GRIK4: variants seen among roughly 807,000 people sequenced by gnomAD.
GRIK4 encodes glutamate receptor ionotropic, kainate 4.
GRIK4 carries 40 observed loss-of-function variants against 104.9 expected under a neutral mutation model. The observed-to-expected ratio is 0.38, with a 90% CI of 0.30 to 0.50. The LOEUF (loss-of-function observed/expected upper bound fraction) is 0.50, where lower values mean the gene tolerates loss of function less well. GRIK4 is among the 20% of genes least tolerant of loss of function. The pLI is 0.93. For synonymous variants in GRIK4, 485 were observed against 524.9 expected (o/e 0.92, Z 1.04); for missense variants, 1,047 against 1,308.1 (o/e 0.80, Z 3.08).
intron 1 of GRIK4, among the ~76,000 whole-genome samples, chr11:120,515,558 C>G (rs958555891): frequency 1.3e-5 from 2 of 152,194 alleles, no homozygotes; most frequent in East Asian, 3.9e-4. Context: ...CCTGCTCCTA[C>G]CTGGTATTGG....
At position 120,802,800 on chromosome 11, in the gene GRIK4, G is replaced by A; in HGVS notation, c.190G>A (p.Val64Ile). The A allele has an allele frequency of 6.2e-7, 1 of 1,614,210 alleles. No homozygotes were observed. The highest frequency in any genetic ancestry group is 8.5e-7 in the Non-Finnish European group (1 of 1,180,020). Residue 64 changes from valine to isoleucine, a missense_variant, in exon 4 of 21, where the codon GTC becomes ATC. By Grantham distance (29) the Val-to-Ile change is conservative. Around this residue, in one of 3 missense-constraint regions of GRIK4, gnomAD observed 447 missense variants for 514.9 expected, o/e 0.87. Coordinates refer to ENST00000527524, the MANE Select transcript of GRIK4 (RefSeq NM_014619.5). ...RAPERLGKAK[V>I]EVDIFELLRD... The stretch of plus-strand genomic sequence containing the variant: ...TCCTGAGAGGCTGGGCAAGGCCAAG[G>A]TCGAAGTGGACATCTTTGAGCTTCT...
intron 8 of GRIK4, among the ~76,000 whole-genome samples, chr11:120,845,876 T>C (rs1953839733): frequency 6.6e-6 from 1 of 152,250 alleles, no homozygotes; most frequent in South Asian, 2.1e-4. Flanking sequence ...AAAAGAGTGA[T>C]GGAGTGAAAG....
chr11:120,724,966 CTT>C (rs1951002673), intron 3 of GRIK4, among the ~76,000 whole-genome samples: 1 of 151,970 alleles, frequency 6.6e-6, no homozygotes, highest in Non-Finnish European at 1.5e-5. Flanking sequence ...ACATCTGACT[CTT>C]TCATTATGTC....
At chr11:120,518,983 G>A (rs1947763621) in intron 1 of GRIK4, among the ~76,000 whole-genome samples, 1 of 152,262 alleles carries the variant, frequency 6.6e-6, no homozygotes, top group Non-Finnish European at 1.5e-5. Context: ...GAAAAGAGAT[G>A]CTTCAACAAA....
At chr11:120,712,165 C>T (rs1337212689) in intron 3 of GRIK4, among the ~76,000 whole-genome samples, 1 of 152,164 alleles carries the variant, frequency 6.6e-6, no homozygotes, top group Non-Finnish European at 1.5e-5. Context: ...GCTAAGGGAA[C>T]CTGGGGTGCA....
intron 1 of GRIK4, among the ~76,000 whole-genome samples, chr11:120,520,317 ATGAG>A (rs1947781705): frequency 6.6e-6 from 1 of 152,218 alleles, no homozygotes; most frequent in South Asian, 2.1e-4. Context: ...GGCGCGGAGA[ATGAG>A]TGGTGGCGCC....
intron 14 of GRIK4, among the ~76,000 whole-genome samples, chr11:120,946,922 T>C (rs892462439): frequency 5.3e-5 from 8 of 152,146 alleles, no homozygotes; most frequent in Admixed American, 3.3e-4. Flanking sequence ...CCAGAGAAGG[T>C]CCCAAGCCAG....
intron 1 of GRIK4, among the ~76,000 whole-genome samples, chr11:120,610,289 G>A (rs759868322): frequency 1.3e-5 from 2 of 152,240 alleles, no homozygotes; most frequent in South Asian, 2.1e-4. Flanking sequence ...TGCATTTAGC[G>A]TTTGGAAGTT....
chr11:120,723,292 A>G (rs1359029159), intron 3 of GRIK4, among the ~76,000 whole-genome samples: 1 of 152,198 alleles, frequency 6.6e-6, no homozygotes, highest in Middle Eastern at 3.2e-3. Flanking sequence ...ATTTCCACCC[A>G]CCACTCTTCC....
At chr11:120,873,938 T>C (rs1358655381) in intron 9 of GRIK4, 128 bp from the exon 10 acceptor site, 1 of 808,472 alleles carries the variant, frequency 1.2e-6, no homozygotes, top group Non-Finnish European at 2.0e-6. Context: ...GTGATGAAGA[T>C]GCACTCTTAT....
chr11:120,628,401 C>T (rs1396058313), intron 1 of GRIK4, among the ~76,000 whole-genome samples: 7 of 152,324 alleles, frequency 4.6e-5, no homozygotes, highest in South Asian at 2.1e-4. Context: ...TTTCCCTTAG[C>T]GGAAACAAGG....
rs541994496 is a variant in GRIK4, at chr11:120,825,775, A to G, written c.511+5855A>G. Among the ~76,000 whole-genome samples the G allele has an allele frequency of 3.0e-4, 46 of 152,340 alleles. No homozygotes were observed. In the South Asian group the frequency reaches 8.1e-3, roughly 27 times the overall value. On this transcript the variant is annotated intron_variant, in intron 6 of 20. Transcript: ENST00000527524. The stretch of plus-strand genomic sequence containing the variant: ...ATGTAACAAGACGATAATAATGTCT[A>G]TTGAGGTAATTGGATGGGAAAGTAA...
intron 13 of GRIK4, among the ~76,000 whole-genome samples, chr11:120,913,797 G>A (rs1417283798): frequency 6.6e-6 from 1 of 150,760 alleles, no homozygotes; most frequent in Admixed American, 6.6e-5. Context: ...GGCCTGGTGG[G>A]TCAGGCTGTT....
Position 120,940,498 on chromosome 11 carries a change from G to A in GRIK4, c.1590+38G>A, listed in dbSNP as rs1943698438. On this transcript the variant is annotated intron_variant, in intron 14 of 20. Transcript: ENST00000527524. The surrounding 1 kb of genome is among the most constrained non-coding windows in gnomAD (Gnocchi z 4.3). ...TTTTATAAGCATTTATGTCATTAAA[G>A]TTATTTGCATGCAAACACTGAGTTA... The A allele has an allele frequency of 2.6e-6, 3 of 1,154,082 alleles. No homozygotes were observed. Among genetic ancestry groups the A allele is most frequent in the Admixed American group, 1.8e-5 (1 of 56,158 alleles). 71.5% of individuals were successfully genotyped at this position (1,154,082 alleles called of 1,614,324 possible).
intron 3 of GRIK4, among the ~76,000 whole-genome samples, chr11:120,789,991 CAGT>C (rs1565353626): frequency 6.6e-6 from 1 of 152,172 alleles, no homozygotes; most frequent in Non-Finnish European, 1.5e-5. Context: ...CTTCATTGTA[CAGT>C]AAAGTCTGGC....
rs1952646948 is a variant in GRIK4 at position 120,802,876 on chromosome 11, G to GCTGC, written c.247+22_247+25dup. On this transcript the variant is annotated intron_variant, in intron 4 of 20. Transcript: ENST00000527524. ...GAAACCAGTACGTAGACTGGGCAGG[G>GCTGC]CTGCCTCTTCCCTTGCTGGCAGAGG... The GCTGC allele has an allele frequency of 6.2e-7, 1 of 1,610,484 alleles. No individual in the cohort carries two copies. Among genetic ancestry groups the GCTGC allele is most frequent in the Non-Finnish European group, 8.5e-7 (1 of 1,176,910 alleles).
intron 8 of GRIK4, among the ~76,000 whole-genome samples, chr11:120,856,009 G>A (rs1954096191): frequency 6.6e-6 from 1 of 152,360 alleles, no homozygotes; most frequent in South Asian, 2.1e-4. Flanking sequence ...AGGGGGACCA[G>A]GAAAAGGAAG....
chr11:120,644,321 C>A (rs905241340), intron 1 of GRIK4, among the ~76,000 whole-genome samples: 2 of 152,100 alleles, frequency 1.3e-5, no homozygotes, highest in Non-Finnish European at 2.9e-5. Context: ...TTCCAGGCAA[C>A]GGGAATGTGG....
At chr11:120,765,400 T>A (rs112165411) in intron 3 of GRIK4, among the ~76,000 whole-genome samples, 34,020 of 151,858 alleles carry the variant, frequency 0.22, 5,470 homozygotes, top group African/African-American at 0.46. Flanking sequence ...ATTGGGTTAG[T>A]ACATGCTCCT....
Sources: allele counts gnomAD v4.1 joint callset (sites outside exome capture counted in the v4.1 genomes callset), GRCh38; gene constraint gnomAD v4.1.1; regional missense constraint gnomAD v4.1.1; non-coding constraint Gnocchi (gnomAD v3.1); transcripts MANE v1.5; gene names NCBI Gene and HGNC (gene_info 2026-07-23, HGNC 2026-07-21).